OR6Y1: variants seen among roughly 807,000 people sequenced by gnomAD.
OR6Y1 encodes the protein olfactory receptor 6Y1.
OR6Y1 carries 1 observed loss-of-function variant against 0.4 expected under a neutral mutation model. The ratio of observed to expected loss-of-function variants is 2.74; its 90% CI spans 0.97 to 13.02. OR6Y1 has a LOEUF of 13.02. OR6Y1 is among the 30% of genes most tolerant of loss of function. The pLI is 0.12. For synonymous variants in OR6Y1, 173 were observed against 141.1 expected, an observed-to-expected ratio of 1.23 and a Z score of -1.60; for missense variants, 480 against 399.8, an observed-to-expected ratio of 1.20 and a Z score of -1.71.
At chr1:158,554,083 C>T (rs902672369) in intron 1 of OR6Y1, among the ~76,000 whole-genome samples, 183 bp downstream of exon 1, 22 of 152,104 alleles carry the variant, frequency 1.4e-4, no homozygotes, top group Admixed American at 3.3e-4. Flanking sequence ...TGTATCACTA[C>T]GCATTATAGG....
Position 158,546,353 on chromosome 1 carries a change from C to T in OR6Y1, c.*775G>A, listed in dbSNP as rs533365271. The T allele has an allele frequency of 1.3e-5, 2 of 152,158 alleles. No homozygotes were observed. Among genetic ancestry groups the T allele is most frequent in the Admixed American group, 1.3e-4 (2 of 15,290 alleles). 9.4% of individuals were successfully genotyped at this position (152,158 alleles called of 1,614,324 possible). On this transcript the variant is annotated 3_prime_UTR_variant, in exon 2 of 2. Coordinates refer to ENST00000641622, the MANE Select transcript of OR6Y1 (RefSeq NM_001005189.2). ...TTTAAAATTATGTTTATATACTTAA[C>T]TTGTTTTTCCATTGAGAGTTTAATT...
In OR6Y1 at chr1:158,547,872, A is replaced by G; in HGVS notation, c.234T>C (p.Tyr78=). The G allele has an allele frequency of 6.2e-7, 1 of 1,613,596 alleles. No homozygotes were observed. The highest frequency in any genetic ancestry group is 1.7e-5 in the Admixed American group (1 of 59,986). ...GCATCTTGGGGCTGATGACTGTGAC[A>G]TACCACATCTCCAGGAAGGAGAGGT... ...LSHLSFLEMW[Y]VTVISPKMLV... is the part of the protein sequence containing the mutation. The change falls in exon 2 of 2, where the codon TAT becomes TAC. Residue 78 remains tyrosine (Y), a synonymous_variant. Transcript: ENST00000641622.
In OR6Y1 at chr1:158,548,071, G is replaced by C. The variant is rs768964740; in HGVS notation, c.35C>G (p.Thr12Arg). 1.9e-5 allele frequency: 30 copies of C among 1,613,176 alleles called. No homozygotes were observed. The Admixed American group carries it at 2.7e-4, about 14-fold the overall frequency. ...CAGAAGAATGAAACGTGTTGTCACT[G>C]TATGATTATCTACTTCCAGAATTAT... ...TTIILEVDNHTVTTRFILLGF... is the reference protein window; with the variant it reads ...TTIILEVDNHRVTTRFILLGF... The change falls in exon 2 of 2, where the codon ACA becomes AGA. Residue 12 changes from threonine to arginine, a missense_variant. Transcript: ENST00000641622.
At chr1:158,551,086 G>A (rs1385709685) in intron 1 of OR6Y1, among the ~76,000 whole-genome samples, 1 of 150,770 alleles carries the variant, frequency 6.6e-6, no homozygotes, top group Non-Finnish European at 1.5e-5. Flanking sequence ...TTTTGTGTAT[G>A]AGTATGTAGA....
chr1:158,546,249 G>A lies in OR6Y1; in HGVS notation c.*879C>T, dbSNP rs761614280. ...ACTTTCAAATATGGTCACATTCTGA[G>A]AGACTGGGGTTAGGACAACATACTT... On this transcript the variant is annotated 3_prime_UTR_variant, in exon 2 of 2. Coordinates refer to ENST00000641622, the MANE Select transcript of OR6Y1 (RefSeq NM_001005189.2). The A allele has an allele frequency of 2.0e-5, 3 of 152,162 alleles. No homozygotes were observed. The highest frequency in any genetic ancestry group is 4.4e-5 in the Non-Finnish European group (3 of 68,032). 9.4% of individuals were successfully genotyped at this position (152,162 alleles called of 1,614,324 possible).
intron 1 of OR6Y1, among the ~76,000 whole-genome samples, chr1:158,550,059 T>A (rs530135729): frequency 5.3e-4 from 80 of 151,898 alleles, no homozygotes; most frequent in African/African-American, 1.9e-3. Flanking sequence ...GCTTAATCTT[T>A]GTGTCTATTT....
rs61820493 is a variant in OR6Y1, at chr1:158,548,026, G to C, written c.80C>G (p.Ala27Gly). 3.1e-6 allele frequency: 5 copies of C among 1,613,546 alleles called. No individual in the cohort carries two copies. The highest frequency in any genetic ancestry group is 2.2e-5 in the South Asian group (2 of 91,086). Residue 27 changes from alanine to glycine, a missense_variant, in exon 2 of 2, where the codon GCC becomes GGC. By Grantham distance (60) the Ala-to-Gly change is moderately conservative. Transcript: ENST00000641622. ...FILLGFPTRP[A>G]FQLLFFSIFL... Reference sequence around the variant, plus strand: ...AATGGAGAAAAAGAGAAGCTGGAAGGCTGGTCGTGTTGGAAACCCCAGAAG... The same window carrying C: ...AATGGAGAAAAAGAGAAGCTGGAAGCCTGGTCGTGTTGGAAACCCCAGAAG...
rs369379228 is a variant in OR6Y1, at chr1:158,547,128, T to C, written c.978A>G (p.Ter326=). 22 of 1,609,532 alleles carry C rather than the reference T, an allele frequency of 1.4e-5. 1 individual carries two copies. The highest frequency in any genetic ancestry group is 8.4e-5 in the Admixed American group (5 of 59,396). ...AGCCTGAAAGGAATCTATACATTTT[T>C]TAACTACTGAAAGCCCCATTTCCCT... ...GPQGNGAFSS[*] is the part of the protein sequence containing the mutation. The change falls in exon 2 of 2, where the codon TAA becomes TAG. Residue 326 remains the stop codon, a stop_retained_variant. Transcript: ENST00000641622.
At position 158,549,350 on chromosome 1, in the gene OR6Y1, C is replaced by T. The variant is rs1009160928; in HGVS notation, c.-1245G>A. ...TATTGCTTCAATTCTCTTTTCTGCT[C>T]TTCTCCAGAGCCACAGTCACTCTTG... On this transcript the variant is annotated 5_prime_UTR_variant, in exon 2 of 2. Transcript: ENST00000641622. 3.3e-5 allele frequency: 5 copies of T among 151,612 alleles called. No homozygotes were observed. Among genetic ancestry groups the T allele is most frequent in the African/African-American group, 1.2e-4 (5 of 41,004 alleles). 9.4% of individuals were successfully genotyped at this position (151,612 alleles called of 1,614,324 possible).
Position 158,551,419 on chromosome 1 carries a change from C to T in OR6Y1, c.-1432-1882G>A, listed in dbSNP as rs150407267. 9.9e-5 allele frequency among the ~76,000 whole-genome samples: 15 copies of T among 151,722 alleles called. No homozygotes were observed. The East Asian group carries it at 2.5e-3, about 25-fold the overall frequency. ...TTTTTTTCCTCAGATAAGGAAATCC[C>T]AGAGTGATTTAAGTGATTTTCTCTA... On this transcript the variant is annotated intron_variant, in intron 1 of 1. Transcript: ENST00000641622.
chr1:158,549,133 T>C lies in OR6Y1; in HGVS notation c.-1028A>G, dbSNP rs947994088. 2 of 151,562 alleles carry C rather than the reference T, an allele frequency of 1.3e-5. No homozygotes were observed. The highest frequency in any genetic ancestry group is 2.9e-5 in the Non-Finnish European group (2 of 68,006). 9.4% of individuals were successfully genotyped at this position (151,562 alleles called of 1,614,324 possible). A position where few individuals can be genotyped will look rare whatever the true frequency, so the allele number is the denominator to read the frequency against. On this transcript the variant is annotated 5_prime_UTR_variant, in exon 2 of 2. Coordinates refer to ENST00000641622, the MANE Select transcript of OR6Y1 (RefSeq NM_001005189.2). ...GAGGACCGTGGGACTTTTCCAAGGGTAATAAATTTAAAAACTGTAATCTGT... is the reference window on the plus strand; with the variant it reads ...GAGGACCGTGGGACTTTTCCAAGGGCAATAAATTTAAAAACTGTAATCTGT...
intron 1 of OR6Y1, among the ~76,000 whole-genome samples, chr1:158,550,796 C>T (rs997270707): frequency 3.3e-5 from 5 of 151,770 alleles, no homozygotes; most frequent in Admixed American, 1.3e-4. Flanking sequence ...ACATAGTTAA[C>T]AGCCTTCCCT....
At chr1:158,550,848 G>T (rs928900833) in intron 1 of OR6Y1, among the ~76,000 whole-genome samples, 2 of 151,832 alleles carry the variant, frequency 1.3e-5, no homozygotes, top group Non-Finnish European at 2.9e-5. Flanking sequence ...AGGAGGCTAT[G>T]CTGAATATAT....
In OR6Y1 at chr1:158,546,691, T is replaced by C. The variant is rs1647544293; in HGVS notation, c.*437A>G. 6.4e-6 allele frequency: 1 copy of C among 156,458 alleles called. No individual in the cohort carries two copies. Among genetic ancestry groups the C allele is most frequent in the South Asian group, 1.9e-4 (1 of 5,210 alleles). 9.7% of individuals were successfully genotyped at this position (156,458 alleles called of 1,614,324 possible). A position where few individuals can be genotyped will look rare whatever the true frequency, so the allele number is the denominator to read the frequency against. ...ATTAATTTATGTTGAACTTTTTCTT[T>C]TACTTCTACAATATAGAGTGTTTAA... On this transcript the variant is annotated 3_prime_UTR_variant, in exon 2 of 2. Transcript: ENST00000641622.
rs1007487750 is a variant in OR6Y1 at position 158,550,753 on chromosome 1, T to C, written c.-1432-1216A>G. On this transcript the variant is annotated intron_variant, in intron 1 of 1. Transcript: ENST00000641622. ...CTTCTCAGACTGTTTAGACAGTCCA[T>C]TGGGCAGGCTTGTGAGGAAGAGAGC... Among the ~76,000 whole-genome samples, 8 of 151,900 alleles carry C rather than the reference T, an allele frequency of 5.3e-5. No individual in the cohort carries two copies. In the South Asian group the frequency reaches 1.4e-3, roughly 28 times the overall value.
intron 1 of OR6Y1, 82 bp from the exon 2 acceptor site, chr1:158,549,619 G>T (rs536316099): frequency 1.8e-4 from 27 of 151,810 alleles, no homozygotes; most frequent in African/African-American, 6.1e-4. Flanking sequence ...AAAAGGCAAA[G>T]AATATATAAC....
chr1:158,552,857 G>C (rs545183287), intron 1 of OR6Y1, among the ~76,000 whole-genome samples: 1 of 152,228 alleles, frequency 6.6e-6, no homozygotes, highest in African/African-American at 2.4e-5. Context: ...TAAAGGGTAG[G>C]AACACATTCT....
At position 158,545,814 on chromosome 1, in the gene OR6Y1, A is replaced by G. The variant is rs950605568; in HGVS notation, c.*1314T>C. 2 of 152,080 alleles carry G rather than the reference A, an allele frequency of 1.3e-5. No homozygotes were observed. The highest frequency in any genetic ancestry group is 4.8e-5 in the African/African-American group (2 of 41,416). 9.4% of individuals were successfully genotyped at this position (152,080 alleles called of 1,614,324 possible). Reference sequence around the variant, plus strand: ...CAGTTTAATTACATCCCATTTGTCAATTTTTGTTTTTTAATATCTTTTTAA... The same window carrying G: ...CAGTTTAATTACATCCCATTTGTCAGTTTTTGTTTTTTAATATCTTTTTAA... On this transcript the variant is annotated 3_prime_UTR_variant, in exon 2 of 2. Transcript: ENST00000641622.
chr1:158,551,647 A>C (rs565485781), intron 1 of OR6Y1, among the ~76,000 whole-genome samples: 1 of 151,820 alleles, frequency 6.6e-6, no homozygotes, highest in Non-Finnish European at 1.5e-5. Context: ...CCTGATTTAA[A>C]TAGAATCATA....
Sources: allele counts gnomAD v4.1 joint callset (sites outside exome capture counted in the v4.1 genomes callset), GRCh38; gene constraint gnomAD v4.1.1; transcripts MANE v1.5; gene names NCBI Gene and HGNC (gene_info 2026-07-23, HGNC 2026-07-21).